Variants in LTBP4 observed in about 807,000 individuals in gnomAD.
LTBP4 encodes the protein latent-transforming growth factor beta-binding protein 4.
A neutral mutation model predicts 180.2 loss-of-function variants in LTBP4; 93 were observed. The ratio of observed to expected loss-of-function variants is 0.52; its 90% CI spans 0.44 to 0.61. The LOEUF is 0.61. LTBP4 is among the 20% of genes least tolerant of loss of function. LTBP4 has a pLI of 0.00. For synonymous variants in LTBP4, 947 were observed against 934.5 expected, an observed-to-expected ratio of 1.01 and a Z score of -0.24; for missense variants, 2,116 against 2,256.5, an observed-to-expected ratio of 0.94 and a Z score of 1.26.
rs779958782 is a variant in LTBP4, at chr19:40,605,514, G to T, written c.552G>T (p.Ala184=). ...CTTGGGAGGAGGCGGACGCTGAGGC[G>T]GTGGCGCGGGCGGAAGCGGCGGCGC... ...SGPWEEADAE[A]VARAEAAARA... The change falls in exon 3 of 30, where the codon GCG becomes GCT. Residue 184 remains alanine (A), a synonymous_variant. Transcript: ENST00000396819. The surrounding 1 kb of genome is among the most constrained non-coding windows in gnomAD (Gnocchi z 5.5). 1.2e-6 allele frequency: 2 copies of T among 1,609,354 alleles called. No individual in the cohort carries two copies. The highest frequency in any genetic ancestry group is 1.7e-5 in the Admixed American group (1 of 59,888).
At chr19:40,626,931 G>T in intron 27 of LTBP4, 44 bp from the exon 28 acceptor site, 10 of 1,508,656 alleles carry the variant, frequency 6.6e-6, no homozygotes, top group Non-Finnish European at 8.9e-6. Flanking sequence ...GGTGGGTGTG[G>T]GGGCCAGCAG....
chr19:40,597,713 C>G (rs1472590387), upstream of LTBP4, among the ~76,000 whole-genome samples: 1 of 151,732 alleles, frequency 6.6e-6, no homozygotes, highest in Non-Finnish European at 1.5e-5. Context: ...GGTCTTCGAG[C>G]TAGGATGGAG....
chr19:40,610,182 G>A (rs1324300817), intron 11 of LTBP4: 1 of 481,436 alleles, frequency 2.1e-6, no homozygotes, highest in Non-Finnish European at 3.6e-6. Context: ...CCCTCCCCCA[G>A]GCCCCGCCAC....
rs1161839927 is a variant in LTBP4 at position 40,625,795 on chromosome 19, T to G, written c.3833-62T>G. ...CCTGGGCTGCTCAGCAGGGGAAGGG[T>G]CCAGCCCCTGGGAGGACCTGAGTGC... On this transcript the variant is annotated intron_variant, in intron 26 of 29. Coordinates refer to ENST00000396819, the MANE Select transcript of LTBP4 (RefSeq NM_001042545.2). 4.2e-6 allele frequency: 6 copies of G among 1,424,268 alleles called. No homozygotes were observed. The African/African-American group carries it at 7.3e-5, about 17-fold the overall frequency. The allele number at this position is 1,424,268 out of a possible 1,614,324, so 88.2% of individuals were successfully genotyped here.
chr19:40,623,732 G>A lies in LTBP4; in HGVS notation c.3685G>A (p.Asp1229Asn). 6.2e-7 allele frequency: 1 copy of A among 1,613,708 alleles called. No individual in the cohort carries two copies. Among genetic ancestry groups the A allele is most frequent in the Non-Finnish European group, 8.5e-7 (1 of 1,179,748 alleles). The change falls in exon 25 of 30, where the codon GAC becomes AAC. Residue 1229 changes from aspartate to asparagine, a missense_variant and splice_region_variant. Around this residue, in one of 5 missense-constraint regions of LTBP4, gnomAD observed 278 missense variants for 373.0 expected, o/e 0.75. Transcript: ENST00000396819. ...CCACACACAGCGGCTGGAGTGCATC[G>A]GTACAAGCCCCACCTCCCCCAACCC... The part of the protein sequence containing the change: ...YYHTQRLECI[D>N]NDECADEEPA...
chr19:40,606,611 TCGGACCC>T, intron 6 of LTBP4, 85 bp downstream of exon 6: 1 of 1,486,862 alleles, frequency 6.7e-7, no homozygotes, highest in Non-Finnish European at 9.0e-7. Flanking sequence ...TTTAATTCCC[TCGGACCC>T]CCCCAGACTC....
intron 19 of LTBP4, among the ~76,000 whole-genome samples, chr19:40,616,435 A>G (rs1489416739): frequency 6.6e-6 from 1 of 152,036 alleles, no homozygotes; most frequent in Non-Finnish European, 1.5e-5. Flanking sequence ...TACTAAAGAA[A>G]AAAAAAAAAG....
intron 22 of LTBP4, among the ~76,000 whole-genome samples, chr19:40,620,562 G>C (rs1172617801): frequency 1.3e-5 from 2 of 151,946 alleles, no homozygotes; most frequent in African/African-American, 4.8e-5. Flanking sequence ...GATCACCTGA[G>C]GTCAGGAGTT....
chr19:40,602,419 G>A (rs528585722), intron 1 of LTBP4, among the ~76,000 whole-genome samples: 2 of 152,006 alleles, frequency 1.3e-5, no homozygotes, highest in Non-Finnish European at 2.9e-5. Context: ...CTCTGGGATC[G>A]GGCCTTCCTG....
chr19:40,625,283 TATATATATATATATATATATA>T (rs1283417452), intron 26 of LTBP4, among the ~76,000 whole-genome samples: 8 of 8,704 alleles, frequency 9.2e-4, no homozygotes, highest in African/African-American at 1.3e-3. Context: ...TATATATATA[TATATATATATATATATATATA>T]TATATATATA....
Position 40,610,297 on chromosome 19 carries a change from C to T in LTBP4, c.1685-235C>T, listed in dbSNP as rs1012240406. The T allele has an allele frequency of 1.1e-5, 6 of 560,744 alleles. No individual in the cohort carries two copies. In the Admixed American group the frequency reaches 1.3e-4, roughly 12 times the overall value. The allele number at this position is 560,744 out of a possible 1,614,324, so 34.7% of individuals were successfully genotyped here. A position where few individuals can be genotyped will look rare whatever the true frequency, so the allele number is the denominator to read the frequency against. The stretch of plus-strand genomic sequence containing the variant: ...TGCTCCTTTCTTCTCTAGCCCCTAC[C>T]CCACCTTCCCTTAGCTTGGTCCCCA... On this transcript the variant is annotated intron_variant, in intron 11 of 29. Transcript: ENST00000396819.
chr19:40,624,223 ACTCAGTCT>A, intron 26 of LTBP4, 141 bp downstream of exon 26: 1 of 1,085,760 alleles, frequency 9.2e-7, no homozygotes, highest in East Asian at 2.7e-5. Context: ...CTGAGCCCTC[ACTCAGTCT>A]CTGTCCCACT....
Position 40,605,137 on chromosome 19 carries a change from C to G in LTBP4, c.353C>G (p.Ser118Trp). The G allele has an allele frequency of 6.2e-7, 1 of 1,613,424 alleles. No individual in the cohort carries two copies. The highest frequency in any genetic ancestry group is 8.5e-7 in the Non-Finnish European group (1 of 1,179,730). The change falls in exon 2 of 30, where the codon TCG becomes TGG. Residue 118 changes from serine to tryptophan, a missense_variant. Ser to Trp is a radical substitution (Grantham distance 177, BLOSUM62 -3). Around this residue, in one of 5 missense-constraint regions of LTBP4, gnomAD observed 469 missense variants for 532.5 expected, o/e 0.88. Transcript: ENST00000396819. This position sits in a 1 kb window ranked among gnomAD's most constrained non-coding sequence, Gnocchi z 5.5. Reference protein sequence around the residue: ...FAGKFCQLHSSGARPPAPAVP... With the variant: ...FAGKFCQLHSWGARPPAPAVP... ...GGCAAGTTCTGCCAGTTGCACTCCT[C>G]GGGCGCCCGGCCCCCGGCCCCGGCT...
chr19:40,617,275 G>A lies in LTBP4; in HGVS notation c.3070+50G>A, dbSNP rs753831818. 3 of 1,583,866 alleles carry A rather than the reference G, an allele frequency of 1.9e-6. No homozygotes were observed. In the African/African-American group the frequency reaches 4.0e-5, roughly 21 times the overall value. On this transcript the variant is annotated intron_variant, in intron 21 of 29. Coordinates refer to ENST00000396819, the MANE Select transcript of LTBP4 (RefSeq NM_001042545.2). ...GGACCAAAGGGGGTGGGGGAGGTTG[G>A]TCAGGCCCTGTCCCTCCCCATATAT...
At chr19:40,603,379 G>A (rs2146018454) in intron 1 of LTBP4, among the ~76,000 whole-genome samples, 1 of 152,248 alleles carries the variant, frequency 6.6e-6, no homozygotes. Context: ...GAGGGACTCG[G>A]CCAATTGAGC....
At chr19:40,593,836 C>T (rs757421884) in intron 1 of LTBP4, among the ~76,000 whole-genome samples, 12 of 151,692 alleles carry the variant, frequency 7.9e-5, no homozygotes, top group Admixed American at 5.3e-4. Context: ...CTCTGTTGCC[C>T]GGGTTGGAGT....
chr19:40,606,302 G>C lies in LTBP4; in HGVS notation c.863G>C (p.Cys288Ser). The part of the protein sequence containing the change: ...PTGFERVNGS[C>S]EDVDECATGG... The stretch of plus-strand genomic sequence containing the variant: ...GGCTTTGAAAGAGTTAATGGGTCCT[G>C]CGAAGGTGCAACGGGGCAGGGGTGG... Residue 288 changes from cysteine to serine, a missense_variant, in exon 5 of 30, where the codon TGC (cysteine) becomes TCC (serine). Around this residue, in one of 5 missense-constraint regions of LTBP4, gnomAD observed 469 missense variants for 532.5 expected, o/e 0.88. Coordinates refer to ENST00000396819, the MANE Select transcript of LTBP4 (RefSeq NM_001042545.2). 1 of 1,601,676 alleles carries C rather than the reference G, an allele frequency of 6.2e-7. No homozygotes were observed.
In LTBP4 at chr19:40,623,976, C is replaced by T. The variant is rs376923679; in HGVS notation, c.3726C>T (p.Gly1242=). 6.2e-5 allele frequency: 100 copies of T among 1,613,850 alleles called. 1 individual carries two copies. In the South Asian group the frequency reaches 8.7e-4, roughly 14 times the overall value. Residue 1242 remains glycine, a synonymous_variant, in exon 26 of 30, where the codon GGC becomes GGT. Transcript: ENST00000396819. ...ECADEEPACE[G]GRCVNTVGSY... is the part of the protein sequence containing the mutation. ...CCGATGAGGAACCGGCCTGTGAGGG[C>T]GGCCGCTGTGTCAACACTGTGGGCT...
At position 40,607,433 on chromosome 19, in the gene LTBP4, C is replaced by T; in HGVS notation, c.1060C>T (p.Pro354Ser). The T allele has an allele frequency of 6.2e-7, 1 of 1,613,388 alleles. No homozygotes were observed. The highest frequency in any genetic ancestry group is 8.5e-7 in the Non-Finnish European group (1 of 1,179,734). The change falls in exon 7 of 30, where the codon CCC becomes TCC. Residue 354 changes from proline (P) to serine (S), a missense_variant. Transcript: ENST00000396819. ...RVLRDGGCSL[P>S]ILRNITKQIC... ...GCTCCGCGACGGCGGCTGTTCGCTG[C>T]CCATTCTGCGGAACATCACTAAACA...
Sources: gnomAD v4.1 joint callset for allele counts (sites outside exome capture counted in the v4.1 genomes callset) on GRCh38, gnomAD v4.1.1 for gene constraint, gnomAD v4.1.1 regional missense constraint, Gnocchi (gnomAD v3.1) non-coding constraint, MANE v1.5 for transcripts, NCBI Gene and HGNC (gene_info 2026-07-23, HGNC 2026-07-21) for gene names.